PPARGC1B: variants seen among roughly 807,000 people sequenced by gnomAD.
PPARGC1B encodes peroxisome proliferator-activated receptor gamma coactivator 1-beta.
PPARGC1B carries 34 observed loss-of-function variants against 101.6 expected under a neutral mutation model. The ratio of observed to expected loss-of-function variants is 0.33; its 90% CI spans 0.25 to 0.45. PPARGC1B has a LOEUF of 0.45. PPARGC1B is among the 20% of genes least tolerant of loss of function. The pLI is 1.00. For synonymous variants in PPARGC1B, 548 were observed against 539.3 expected (o/e 1.02, Z -0.22); for missense variants, 1,234 against 1,317.6 (o/e 0.94, Z 0.98).
chr5:149,736,452 G>A (rs982890668), intron 1 of PPARGC1B, among the ~76,000 whole-genome samples: 6 of 151,848 alleles, frequency 4.0e-5, no homozygotes, highest in African/African-American at 1.2e-4. Flanking sequence ...GGAAGAAAAT[G>A]ATCAGGGTCA....
At chr5:149,844,003 G>A (rs918375477) in intron 10 of PPARGC1B, among the ~76,000 whole-genome samples, 24 of 152,314 alleles carry the variant, frequency 1.6e-4, no homozygotes, top group Admixed American at 1.0e-3. Flanking sequence ...AGGAATAAGG[G>A]AGGTGTTGTT....
intron 1 of PPARGC1B, among the ~76,000 whole-genome samples, chr5:149,768,601 G>A (rs1446453735): frequency 2.7e-5 from 4 of 145,744 alleles, no homozygotes; most frequent in Admixed American, 7.0e-5. Context: ...CCACCACCAC[G>A]TCTGGCTAAT....
At chr5:149,753,914 G>A (rs1217646825) in intron 1 of PPARGC1B, among the ~76,000 whole-genome samples, 3 of 151,562 alleles carry the variant, frequency 2.0e-5, no homozygotes, top group East Asian at 2.0e-4. Context: ...GGCTGGTCTC[G>A]AACTCCTGAC....
At chr5:149,827,662 C>T (rs1758583171) in intron 3 of PPARGC1B, among the ~76,000 whole-genome samples, 2 of 152,202 alleles carry the variant, frequency 1.3e-5, no homozygotes, top group African/African-American at 2.4e-5. Flanking sequence ...GCAGATTGCC[C>T]TCCAAAGATG....
intron 1 of PPARGC1B, among the ~76,000 whole-genome samples, chr5:149,785,293 G>T (rs1168948058): frequency 6.6e-6 from 1 of 152,236 alleles, no homozygotes; most frequent in Non-Finnish European, 1.5e-5. Context: ...CATGGCCTTT[G>T]CAGCCAGGCA....
At chr5:149,810,397 G>T (rs758054879) in intron 1 of PPARGC1B, among the ~76,000 whole-genome samples, 1 of 152,228 alleles carries the variant, frequency 6.6e-6, no homozygotes, top group African/African-American at 2.4e-5. Flanking sequence ...CCATGCTGCC[G>T]AAGGTGGGGT....
chr5:149,830,216 G>T (rs1473213699), intron 3 of PPARGC1B, among the ~76,000 whole-genome samples: 1 of 151,504 alleles, frequency 6.6e-6, no homozygotes, highest in African/African-American at 2.4e-5. Flanking sequence ...GCTTTTAATT[G>T]TCTGCCCTTT....
chr5:149,743,859 A>G (rs1284091229), intron 1 of PPARGC1B, among the ~76,000 whole-genome samples: 1 of 152,166 alleles, frequency 6.6e-6, no homozygotes, highest in African/African-American at 2.4e-5. Context: ...ATGATAAACC[A>G]CTGCTAGGAA....
chr5:149,809,374 GATA>G (rs1473399596), intron 1 of PPARGC1B, among the ~76,000 whole-genome samples: 6 of 135,922 alleles, frequency 4.4e-5, no homozygotes, highest in African/African-American at 1.7e-4. Context: ...TAGATAGATA[GATA>G]GATAGATAGA....
intron 1 of PPARGC1B, among the ~76,000 whole-genome samples, chr5:149,798,679 T>C (rs987737118): frequency 2.0e-5 from 3 of 152,206 alleles, no homozygotes; most frequent in African/African-American, 7.2e-5. Flanking sequence ...GCAACCTTGG[T>C]ATGGCTCAGA....
At chr5:149,823,791 AAGG>A (rs1758397727) in intron 2 of PPARGC1B, among the ~76,000 whole-genome samples, 1 of 152,048 alleles carries the variant, frequency 6.6e-6, no homozygotes, top group African/African-American at 2.4e-5. Flanking sequence ...AGGTCGGGAG[AAGG>A]AGAAGACTTT....
At chr5:149,807,082 C>T (rs1270195821) in intron 1 of PPARGC1B, among the ~76,000 whole-genome samples, 1 of 151,706 alleles carries the variant, frequency 6.6e-6, no homozygotes, top group Non-Finnish European at 1.5e-5. Flanking sequence ...ACCTCAGACT[C>T]CAGAGTAGTT....
chr5:149,847,366 C>T (rs757016781), intron 11 of PPARGC1B, 92 bp from the exon 12 acceptor site: 13 of 941,968 alleles, frequency 1.4e-5, no homozygotes, highest in Non-Finnish European at 1.9e-5. Context: ...CTCCACGGTG[C>T]CCACTCATAG....
chr5:149,837,140 G>T lies in PPARGC1B; in HGVS notation c.2618+67G>T, dbSNP rs2113421245. The T allele has an allele frequency of 6.6e-7, 1 of 1,524,678 alleles. No individual in the cohort carries two copies. 94.4% of individuals were successfully genotyped at this position (1,524,678 alleles called of 1,614,324 possible). A position where few individuals can be genotyped will look rare whatever the true frequency, so the allele number is the denominator to read the frequency against. ...GATCCCAGTTCCCGGGGAGCCAGGA[G>T]CCCCAGGAGGGAGGATCCCTGGGAA... On this transcript the variant is annotated intron_variant, in intron 8 of 11. Coordinates refer to ENST00000309241, the MANE Select transcript of PPARGC1B (RefSeq NM_133263.4). This position sits in a 1 kb window ranked among gnomAD's most constrained non-coding sequence, Gnocchi z 4.2.
chr5:149,787,323 T>C (rs1756847912), intron 1 of PPARGC1B, among the ~76,000 whole-genome samples: 1 of 152,202 alleles, frequency 6.6e-6, no homozygotes. Flanking sequence ...AGAGTGTGTA[T>C]GTGAGCTTAG....
At chr5:149,731,044 G>A (rs563843303) in intron 1 of PPARGC1B, among the ~76,000 whole-genome samples, 3 of 152,320 alleles carry the variant, frequency 2.0e-5, no homozygotes, top group South Asian at 4.1e-4. Flanking sequence ...GGAGCCCCCT[G>A]GGGGGAAAAG....
chr5:149,768,948 C>T (rs1253581650), intron 1 of PPARGC1B, among the ~76,000 whole-genome samples: 2 of 152,216 alleles, frequency 1.3e-5, no homozygotes, highest in Non-Finnish European at 2.9e-5. Context: ...AGCCACCACT[C>T]CTGGCCACTG....
chr5:149,777,862 C>G (rs1420671398), intron 1 of PPARGC1B, among the ~76,000 whole-genome samples: 2 of 99,908 alleles, frequency 2.0e-5, no homozygotes, highest in African/African-American at 8.4e-5. Flanking sequence ...AGCAGTGCCC[C>G]CCTCCCCCCC....
At chr5:149,741,918 C>T (rs911876357) in intron 1 of PPARGC1B, among the ~76,000 whole-genome samples, 11 of 152,182 alleles carry the variant, frequency 7.2e-5, no homozygotes, top group Non-Finnish European at 8.8e-5. Flanking sequence ...GCGTGAGCCA[C>T]CACGCCTGGC....
Sources: gnomAD v4.1 joint callset for allele counts (sites outside exome capture counted in the v4.1 genomes callset) on GRCh38, gnomAD v4.1.1 for gene constraint, Gnocchi (gnomAD v3.1) non-coding constraint, MANE v1.5 for transcripts, NCBI Gene and HGNC (gene_info 2026-07-23, HGNC 2026-07-21) for gene names.